The following CCDC171 variants were observed in gnomAD, a reference collection of about 807,000 sequenced individuals.
CCDC171 encodes coiled-coil domain containing 171, also known as coiled-coil domain-containing protein 171.
Under a neutral mutation model 168.2 loss-of-function variants are expected in CCDC171, and 177 were observed. That is an observed-to-expected ratio of 1.05 (90% confidence interval 0.93 to 1.19). CCDC171 has a LOEUF of 1.19. Among genes scored for constraint, CCDC171 ranks in the 50% most tolerant of loss-of-function variants. The pLI, the probability that CCDC171 is intolerant of heterozygous loss-of-function variation, is 0.00. For synonymous variants in CCDC171, 687 were observed against 540.8 expected, an observed-to-expected ratio of 1.27 and a Z score of -3.75; for missense variants, 1,991 against 1,539.0, an observed-to-expected ratio of 1.29 and a Z score of -4.91.
intron 3 of CCDC171, among the ~76,000 whole-genome samples, chr9:15,983,596 G>A (rs963426825): frequency 6.6e-6 from 1 of 150,554 alleles, no homozygotes; most frequent in Non-Finnish European, 1.5e-5. Flanking sequence ...GGGATCCTCA[G>A]TTCTCCTCCC....
upstream of CCDC171, among the ~76,000 whole-genome samples, chr9:16,038,303 G>A (rs921156555): frequency 6.6e-6 from 1 of 152,108 alleles, no homozygotes; most frequent in Non-Finnish European, 1.5e-5. Flanking sequence ...TAGAAAGGAA[G>A]GGATGAGCTC....
At chr9:15,758,616 G>C (rs1330195661) in intron 18 of CCDC171, among the ~76,000 whole-genome samples, 1 of 152,168 alleles carries the variant, frequency 6.6e-6, no homozygotes, top group Non-Finnish European at 1.5e-5. Flanking sequence ...ATGTGGGAGG[G>C]AGTCAGGGTG....
chr9:15,949,140 T>C (rs980286010), intron 25 of CCDC171, among the ~76,000 whole-genome samples: 26 of 152,132 alleles, frequency 1.7e-4, no homozygotes, highest in Middle Eastern at 3.4e-3. Context: ...TGTAGATATG[T>C]GGCATTATTT....
At chr9:15,764,378 G>A (rs1424042707) in intron 18 of CCDC171, among the ~76,000 whole-genome samples, 1 of 152,212 alleles carries the variant, frequency 6.6e-6, no homozygotes, top group Non-Finnish European at 1.5e-5. Flanking sequence ...CTAAGATGAG[G>A]AACAATGGTA....
At chr9:15,959,679 C>T (rs1830155866) in intron 25 of CCDC171, among the ~76,000 whole-genome samples, 1 of 152,062 alleles carries the variant, frequency 6.6e-6, no homozygotes, top group Non-Finnish European at 1.5e-5. Context: ...GAGAGTTAAT[C>T]TGAATGAGGG....
At position 16,014,670 on chromosome 9, in the gene CCDC171, A is replaced by C. The variant is rs1043016559; in HGVS notation, n.369-5919A>C. ...CAGAATGGACATTGTGTTTGCAGGC[A>C]TAATAACAATATCCATCTCCTTGTA... On this transcript the variant is annotated intron_variant and non_coding_transcript_variant, in intron 3 of 9. Coordinates refer to the CCDC171 transcript ENST00000486641. Among the ~76,000 whole-genome samples, 22 of 152,338 alleles carry C rather than the reference A, an allele frequency of 1.4e-4. 1 individual carries two copies. The South Asian group carries it at 3.9e-3, about 27-fold the overall frequency.
intron 25 of CCDC171, among the ~76,000 whole-genome samples, chr9:15,955,206 G>A (rs1480880806): frequency 6.6e-6 from 1 of 152,030 alleles, no homozygotes; most frequent in Non-Finnish European, 1.5e-5. Flanking sequence ...GGGCTTGTGT[G>A]GTCACTTTCT....
chr9:15,564,386 G>C (rs1002226768), intron 2 of CCDC171, among the ~76,000 whole-genome samples: 16 of 152,214 alleles, frequency 1.1e-4, no homozygotes, highest in African/African-American at 3.9e-4. Flanking sequence ...TGTTACTAGA[G>C]ACTTGCTTGT....
chr9:15,751,768 C>T (rs200730099), intron 18 of CCDC171, among the ~76,000 whole-genome samples: 2 of 152,134 alleles, frequency 1.3e-5, no homozygotes, highest in African/African-American at 4.8e-5. Context: ...TCAAGATGGA[C>T]TAAAGACTTA....
At chr9:15,614,127 G>T (rs917643523) in intron 6 of CCDC171, among the ~76,000 whole-genome samples, 2 of 152,204 alleles carry the variant, frequency 1.3e-5, no homozygotes, top group Non-Finnish European at 2.9e-5. Context: ...AGAGCCTTAA[G>T]GTCAGCCAGA....
intron 10 of CCDC171, among the ~76,000 whole-genome samples, chr9:15,681,856 T>G (rs898290682): frequency 6.6e-6 from 1 of 152,138 alleles, no homozygotes; most frequent in African/African-American, 2.4e-5. Context: ...GATTTTCCCT[T>G]TTGCTTTTGG....
chr9:15,645,786 G>A (rs1037822907), intron 7 of CCDC171, among the ~76,000 whole-genome samples: 4 of 152,206 alleles, frequency 2.6e-5, no homozygotes, highest in African/African-American at 9.7e-5. Flanking sequence ...GTACCTGAAA[G>A]TGACAGGGAG....
At chr9:15,651,413 G>GTT (rs1160499805) in intron 7 of CCDC171, among the ~76,000 whole-genome samples, 4 of 144,730 alleles carry the variant, frequency 2.8e-5, no homozygotes, top group African/African-American at 1.0e-4. Flanking sequence ...CTGGCCTATA[G>GTT]TTTTTTTTTT....
At chr9:15,964,576 T>C (rs1830623808) in intron 25 of CCDC171, among the ~76,000 whole-genome samples, 1 of 152,096 alleles carries the variant, frequency 6.6e-6, no homozygotes, top group Admixed American at 6.5e-5. Context: ...CACAAGGGTA[T>C]GAAGAACACT....
chr9:16,013,427 T>A (rs948081132), intron 3 of CCDC171, among the ~76,000 whole-genome samples: 3 of 152,212 alleles, frequency 2.0e-5, no homozygotes, highest in African/African-American at 7.2e-5. Flanking sequence ...GGATCTCTTC[T>A]ATTTACTCAC....
intron 8 of CCDC171, among the ~76,000 whole-genome samples, chr9:15,661,932 A>AG (rs1222996369): frequency 1.3e-5 from 2 of 152,242 alleles, no homozygotes; most frequent in Non-Finnish European, 2.9e-5. Context: ...CAATTAAAAA[A>AG]TTTAAATCGA....
intron 24 of CCDC171, among the ~76,000 whole-genome samples, chr9:15,914,578 T>C (rs1265996053): frequency 6.6e-6 from 1 of 152,292 alleles, no homozygotes; most frequent in East Asian, 1.9e-4. Flanking sequence ...CTTAGCTTGC[T>C]GGGTTCCATG....
intron 11 of CCDC171, among the ~76,000 whole-genome samples, chr9:15,705,120 A>ACACACACT (rs1462439068): frequency 1.9e-4 from 29 of 149,790 alleles, no homozygotes; most frequent in African/African-American, 6.1e-4. Context: ...ACACACACAC[A>ACACACACT]CTCTCACTCA....
intron 23 of CCDC171, among the ~76,000 whole-genome samples, chr9:15,867,181 G>A (rs763260862): frequency 8.6e-5 from 13 of 151,922 alleles, no homozygotes; most frequent in Non-Finnish European, 1.9e-4. Flanking sequence ...TTCTTAGAGT[G>A]GATTGTGGAA....
Sources: allele counts gnomAD v4.1 joint callset (sites outside exome capture counted in the v4.1 genomes callset), GRCh38; gene constraint gnomAD v4.1.1; transcripts MANE v1.5; gene names NCBI Gene and HGNC (gene_info 2026-07-23, HGNC 2026-07-21).